The following RGPD5 variants were observed in gnomAD, a reference collection of about 807,000 sequenced individuals.
RGPD5 encodes the protein RANBP2 like and GRIP domain containing 5.
At chr2:109,778,619 C>T in the RGPD5 span, among the ~76,000 whole-genome samples, 1 of 146,384 alleles carries the variant, frequency 6.8e-6, no homozygotes, top group Non-Finnish European at 1.5e-5. Context: ...CACTGTCATT[C>T]CAGCAAAAAG....
the RGPD5 span, among the ~76,000 whole-genome samples, chr2:109,761,049 G>C: frequency 7.1e-6 from 1 of 140,012 alleles, no homozygotes; most frequent in Non-Finnish European, 1.5e-5. Flanking sequence ...GAGCGCAGCC[G>C]TGGGGAGGAA....
At chr2:109,767,031 AT>A in the RGPD5 span, among the ~76,000 whole-genome samples, 1 of 140,948 alleles carries the variant, frequency 7.1e-6, no homozygotes, top group Non-Finnish European at 1.5e-5. Flanking sequence ...GCAGCTCATG[AT>A]TTTTCTCATT....
the RGPD5 span, among the ~76,000 whole-genome samples, chr2:109,766,724 C>T: frequency 6.8e-6 from 1 of 147,664 alleles, no homozygotes; most frequent in African/African-American, 2.5e-5. Flanking sequence ...AAAAAAACCT[C>T]TCAATATGGA....
the RGPD5 span, among the ~76,000 whole-genome samples, chr2:109,762,879 ATAAGT>A: frequency 1.7e-5 from 2 of 116,604 alleles, no homozygotes; most frequent in African/African-American, 3.3e-5. Context: ...TATGTTTCTG[ATAAGT>A]TAAAGAAAAA....
chr2:109,766,662 G>A, the RGPD5 span, among the ~76,000 whole-genome samples: 1 of 148,688 alleles, frequency 6.7e-6, no homozygotes, highest in Non-Finnish European at 1.5e-5. Context: ...TGACACTTGA[G>A]CAACTTGAAC....
the RGPD5 span, among the ~76,000 whole-genome samples, chr2:109,763,464 T>C: frequency 6.7e-6 from 1 of 150,174 alleles, no homozygotes; most frequent in Non-Finnish European, 1.5e-5. Context: ...ACAATTGCCA[T>C]TTTCTAGAGT....
the RGPD5 span, among the ~76,000 whole-genome samples, chr2:109,771,575 A>T: frequency 1.3e-4 from 4 of 30,136 alleles, no homozygotes; most frequent in African/African-American, 2.4e-4. Flanking sequence ...TTGAGAACCA[A>T]TCCTTGTAAG....
intron 1 of RGPD5, 71 bp downstream of exon 1, chr2:109,794,608 C>CGACGGCGGCGGCGGCGGCGGCGGCCG: frequency 5.2e-6 from 1 of 192,002 alleles, no homozygotes; most frequent in Non-Finnish European, 6.0e-6. Context: ...GCGGCGGCGG[C>CGACGGCGGCGGCGGCGGCGGCGGCCG]GGGGGGGGCG....
At chr2:109,766,241 G>A in the RGPD5 span, among the ~76,000 whole-genome samples, 1 of 151,294 alleles carries the variant, frequency 6.6e-6, no homozygotes, top group East Asian at 2.0e-4. Flanking sequence ...AGGGCTGTGG[G>A]CAGCAGTGGG....
chr2:109,774,530 AT>A, the RGPD5 span, among the ~76,000 whole-genome samples: 16 of 90,918 alleles, frequency 1.8e-4, 2 homozygotes, highest in African/African-American at 9.7e-4. Context: ...TATTATATAT[AT>A]TATATATAAA....
At chr2:109,794,725 C>G in intron 1 of RGPD5, 188 bp downstream of exon 1, 1 of 602,066 alleles carries the variant, frequency 1.7e-6, no homozygotes, top group Non-Finnish European at 1.9e-6. Context: ...CTGTGGGCGG[C>G]GTGGCGCTTG....
the RGPD5 span, among the ~76,000 whole-genome samples, chr2:109,766,791 AT>A: frequency 3.3e-5 from 5 of 149,650 alleles, 1 homozygote; most frequent in African/African-American, 7.4e-5. Context: ...TGCCTGTTTG[AT>A]TTTTTTTTAT....
chr2:109,774,505 T>TATATATATATATATAAA, the RGPD5 span, among the ~76,000 whole-genome samples: 688 of 32,016 alleles, frequency 0.021, 75 homozygotes, highest in South Asian at 0.053. Flanking sequence ...CAAACATATA[T>TATATATATATATATAAA]ATATATATAA....
chr2:109,764,618 A>G, the RGPD5 span, among the ~76,000 whole-genome samples: 1 of 149,108 alleles, frequency 6.7e-6, no homozygotes, highest in African/African-American at 2.5e-5. Flanking sequence ...GTGATTCAGA[A>G]AAGAGACCAT....
chr2:109,764,630 T>C, the RGPD5 span, among the ~76,000 whole-genome samples: 2 of 148,394 alleles, frequency 1.3e-5, no homozygotes, highest in Non-Finnish European at 3.0e-5. Context: ...AGAGACCATA[T>C]TTGGGACTTG....
the RGPD5 span, among the ~76,000 whole-genome samples, chr2:109,766,785 T>A: frequency 6.7e-6 from 1 of 150,006 alleles, no homozygotes; most frequent in African/African-American, 2.5e-5. Context: ...TAGATTTGCC[T>A]GTTTGATTTT....
chr2:109,765,829 A>G, the RGPD5 span, among the ~76,000 whole-genome samples: 2 of 150,922 alleles, frequency 1.3e-5, no homozygotes, highest in African/African-American at 4.9e-5. Flanking sequence ...GCCAGGGGAC[A>G]TGCGCAGGCC....
At chr2:109,760,711 C>T in the RGPD5 span, among the ~76,000 whole-genome samples, 2 of 145,652 alleles carry the variant, frequency 1.4e-5, no homozygotes, top group African/African-American at 4.9e-5. Flanking sequence ...ACGCTGACAC[C>T]TCCCACCATG....
chr2:109,761,656 C>T, the RGPD5 span, among the ~76,000 whole-genome samples: 1 of 148,558 alleles, frequency 6.7e-6, no homozygotes, highest in African/African-American at 2.5e-5. Flanking sequence ...TCCCCCCAAC[C>T]CGCCACTATC....
Sources: gnomAD v4.1 joint callset for allele counts (sites outside exome capture counted in the v4.1 genomes callset) on GRCh38, gnomAD v4.1.1 for gene constraint, MANE v1.5 for transcripts, NCBI Gene and HGNC (gene_info 2026-07-23, HGNC 2026-07-21) for gene names.